The following FER1L5 variants were observed in gnomAD, a reference collection of about 807,000 sequenced individuals.
The protein encoded by FER1L5 is fer-1-like protein 5.
FER1L5 carries 187 observed loss-of-function variants against 279.9 expected under a neutral mutation model. The ratio of observed to expected loss-of-function variants is 0.67; its 90% CI spans 0.59 to 0.75. FER1L5 has a LOEUF of 0.75. Ranked by LOEUF, FER1L5 falls within the 30% of genes least tolerant of loss-of-function variation. FER1L5 has a pLI of 0.00. For synonymous variants in FER1L5, 921 were observed against 989.7 expected (o/e 0.93, Z 1.30); for missense variants, 2,091 against 2,594.4 (o/e 0.81, Z 4.21).
intron 42 of FER1L5, 121 bp from the exon 43 acceptor site, chr2:96,699,429 G>T: frequency 8.5e-7 from 1 of 1,178,992 alleles, no homozygotes. Context: ...CCTACCCCAT[G>T]CTCTGCTCTC....
chr2:96,654,386 A>G, intron 8 of FER1L5, 60 bp from the exon 9 acceptor site: 1 of 398,528 alleles, frequency 2.5e-6, no homozygotes, highest in Non-Finnish European at 4.4e-6. Context: ...TACCTCTTAC[A>G]GGGGCTGAGG....
At chr2:96,645,147 T>A (rs972625392) in intron 1 of FER1L5, among the ~76,000 whole-genome samples, 2 of 152,196 alleles carry the variant, frequency 1.3e-5, no homozygotes, top group African/African-American at 4.8e-5. Context: ...GATGTCTTCG[T>A]TAGGGTACAC....
chr2:96,677,209 G>A (rs764575340), intron 19 of FER1L5, among the ~76,000 whole-genome samples: 1 of 152,198 alleles, frequency 6.6e-6, no homozygotes, highest in Non-Finnish European at 1.5e-5. Context: ...CTATGTTGAT[G>A]AGTAAAATCT....
chr2:96,693,443 AGAG>A, intron 31 of FER1L5, 60 bp from the exon 32 acceptor site: 1 of 1,459,376 alleles, frequency 6.9e-7, no homozygotes, highest in Non-Finnish European at 9.2e-7. Flanking sequence ...CTGCAGCAGC[AGAG>A]GAGAGGAAAG....
In FER1L5 at chr2:96,698,989, C is replaced by A; in HGVS notation, c.4519-56C>A. 1 of 1,552,450 alleles carries A rather than the reference C, an allele frequency of 6.4e-7. No individual in the cohort carries two copies. Among genetic ancestry groups the A allele is most frequent in the Non-Finnish European group, 8.7e-7 (1 of 1,143,934 alleles). On this transcript the variant is annotated intron_variant, in intron 41 of 52. Coordinates refer to ENST00000624922, the MANE Select transcript of FER1L5 (RefSeq NM_001293083.2). This position sits in a 1 kb window ranked among gnomAD's most constrained non-coding sequence, Gnocchi z 5.5. Reference sequence around the variant, plus strand: ...TCCACCCTCCTCCCACCCTCCCTGACAAACCTGGACGGCCTCCCCAGTTCC... The same window carrying A: ...TCCACCCTCCTCCCACCCTCCCTGAAAAACCTGGACGGCCTCCCCAGTTCC...
chr2:96,659,283 A>C (rs2075728759), intron 9 of FER1L5, among the ~76,000 whole-genome samples: 1 of 126,984 alleles, frequency 7.9e-6, no homozygotes, highest in South Asian at 2.3e-4. Context: ...AGTCCAATTT[A>C]TCAAGCTTTC....
chr2:96,695,581 T>C lies in FER1L5; in HGVS notation c.3814T>C (p.Ser1272Pro). 6.3e-7 allele frequency: 1 copy of C among 1,595,810 alleles called. No homozygotes were observed. The highest frequency in any genetic ancestry group is 8.5e-7 in the Non-Finnish European group (1 of 1,171,606). ...GCTCCTGGTGGAATTCGGGGAAGAGTCCCTGAGGACAGAACCCATCAGGGA... is the reference window on the plus strand; with the variant it reads ...GCTCCTGGTGGAATTCGGGGAAGAGCCCCTGAGGACAGAACCCATCAGGGA... ...PQLLVEFGEE[S>P]LRTEPIRDFQ... The change falls in exon 35 of 53, where the codon TCC (serine) becomes CCC (proline). Residue 1272 changes from serine (S) to proline (P), a missense_variant. Physicochemically the swap from Ser to Pro is moderately conservative, Grantham distance 74. Coordinates refer to ENST00000624922, the MANE Select transcript of FER1L5 (RefSeq NM_001293083.2).
chr2:96,670,531 A>C (rs905133020), intron 18 of FER1L5, among the ~76,000 whole-genome samples: 1 of 152,070 alleles, frequency 6.6e-6, no homozygotes, highest in Non-Finnish European at 1.5e-5. Context: ...TAATCCCAGC[A>C]CTTTGGGAGA....
intron 18 of FER1L5, among the ~76,000 whole-genome samples, chr2:96,672,142 G>A (rs371180714): frequency 2.0e-5 from 3 of 152,112 alleles, no homozygotes; most frequent in East Asian, 3.9e-4. Flanking sequence ...GCAATGGGGC[G>A]ATCTCAGCTC....
chr2:96,663,617 C>G, intron 14 of FER1L5, 110 bp downstream of exon 14: 1 of 1,201,676 alleles, frequency 8.3e-7, no homozygotes, highest in Non-Finnish European at 1.2e-6. Context: ...AAAAGCATGG[C>G]AAGGGGGACT....
intron 4 of FER1L5, 46 bp downstream of exon 4, chr2:96,647,932 A>G: frequency 6.8e-7 from 1 of 1,466,458 alleles, no homozygotes; most frequent in Non-Finnish European, 9.3e-7. Flanking sequence ...TGGAGGAATG[A>G]GGGGAGCTGG....
chr2:96,687,937 A>T lies in FER1L5; in HGVS notation c.2351A>T (p.Tyr784Phe). The change falls in exon 24 of 53, where the codon TAC (tyrosine) becomes TTC (phenylalanine). Residue 784 changes from tyrosine to phenylalanine, a missense_variant. Transcript: ENST00000624922. ...CTCCGCCAGGGTGACACAGCGGTGT[A>T]CGCCGAGATGGTGAGTGGTGAGCGG... ...QLLRQGDTAV[Y>F]AEMYENQAKY... 2 of 1,550,992 alleles carry T rather than the reference A, an allele frequency of 1.3e-6. No individual in the cohort carries two copies. Among genetic ancestry groups the T allele is most frequent in the South Asian group, 2.4e-5 (2 of 84,052 alleles).
In FER1L5 at chr2:96,698,149, A is replaced by C; in HGVS notation, c.4349A>C (p.Glu1450Ala). 6.4e-7 allele frequency: 1 copy of C among 1,561,616 alleles called. No individual in the cohort carries two copies. The highest frequency in any genetic ancestry group is 8.7e-7 in the Non-Finnish European group (1 of 1,152,802). The change falls in exon 40 of 53, where the codon GAG becomes GCG. Residue 1450 changes from glutamate (E) to alanine (A), a missense_variant. Coordinates refer to ENST00000624922, the MANE Select transcript of FER1L5 (RefSeq NM_001293083.2). The surrounding 1 kb of genome is among the most constrained non-coding windows in gnomAD (Gnocchi z 5.5). ...AAGTTGGACAGCCCCGTGGTAGGGG[A>C]GTTCAAGGTGTGTGTCCACCCCAGC... ...QPKLDSPVVG[E>A]FKGLFRIYPF...
At position 96,679,977 on chromosome 2, in the gene FER1L5, A is replaced by G. The variant is rs1247407142; in HGVS notation, c.1670-4350A>G. ...GCCTCATAAGCTCCTGAGCTCCTTC[A>G]GGGAGTGTGTTTTTGCTGGCACTTT... On this transcript the variant is annotated intron_variant, in intron 19 of 52. Coordinates refer to ENST00000624922, the MANE Select transcript of FER1L5 (RefSeq NM_001293083.2). Among the ~76,000 whole-genome samples the G allele has an allele frequency of 2.6e-5, 4 of 151,964 alleles. No individual in the cohort carries two copies. In the South Asian group the frequency reaches 6.2e-4, roughly 24 times the overall value.
chr2:96,700,168 G>A, intron 44 of FER1L5, 88 bp downstream of exon 44: 1 of 1,568,928 alleles, frequency 6.4e-7, no homozygotes, highest in Non-Finnish European at 8.6e-7. Flanking sequence ...CAGACTTGGG[G>A]GAGAAAGGGG....
At position 96,699,956 on chromosome 2, in the gene FER1L5, T is replaced by C. The variant is rs2077530886; in HGVS notation, c.4806T>C (p.Asp1602=). ...YCQSGPFRWR[D]QMPPSYLLER... is the part of the protein sequence containing the mutation. ...GGTCAGGGCCCTTTAGATGGCGGGA[T>C]CAGATGCCCCCAAGCTACCTCCTAG... The change falls in exon 44 of 53, where the codon GAT becomes GAC. Residue 1602 remains aspartate, a synonymous_variant. Transcript: ENST00000624922. 1 of 1,613,704 alleles carries C rather than the reference T, an allele frequency of 6.2e-7. No individual in the cohort carries two copies. The highest frequency in any genetic ancestry group is 1.1e-5 in the South Asian group (1 of 91,078).
At chr2:96,647,921 C>G in intron 4 of FER1L5, 35 bp downstream of exon 4, 1 of 1,508,560 alleles carries the variant, frequency 6.6e-7, no homozygotes, top group Non-Finnish European at 9.0e-7. Flanking sequence ...GGCAGGGTGG[C>G]TGGAGGAATG....
intron 9 of FER1L5, among the ~76,000 whole-genome samples, chr2:96,659,523 GCTCTGTCGC>G (rs2075865637): frequency 8.4e-6 from 1 of 118,404 alleles, no homozygotes; most frequent in Non-Finnish European, 1.7e-5. Context: ...ACAGAGTCTC[GCTCTGTCGC>G]CCAGGCTGGA....
intron 38 of FER1L5, 42 bp downstream of exon 38, chr2:96,697,618 G>A (rs772322469): frequency 2.9e-5 from 46 of 1,613,700 alleles, no homozygotes; most frequent in South Asian, 2.3e-4. Flanking sequence ...GAGGTGGGGG[G>A]CTGCCCCTGC....
Sources: allele counts gnomAD v4.1 joint callset (sites outside exome capture counted in the v4.1 genomes callset), GRCh38; gene constraint gnomAD v4.1.1; non-coding constraint Gnocchi (gnomAD v3.1); transcripts MANE v1.5; gene names NCBI Gene and HGNC (gene_info 2026-07-23, HGNC 2026-07-21).